FHIT: variants seen among roughly 807,000 people sequenced by gnomAD.
The protein encoded by FHIT is bis(5'-adenosyl)-triphosphatase.
A neutral mutation model predicts 17.9 loss-of-function variants in FHIT; 19 were observed. The observed-to-expected ratio is 1.06, with a 90% confidence interval of 0.74 to 1.56. The LOEUF (loss-of-function observed/expected upper bound fraction) is 1.56. Among genes scored for constraint, FHIT ranks in the 40% most tolerant of loss-of-function variants. FHIT has a pLI of 0.00. For synonymous variants in FHIT, 81 were observed against 69.7 expected, an observed-to-expected ratio of 1.16 and a Z score of -0.81; for missense variants, 248 against 189.2, an observed-to-expected ratio of 1.31 and a Z score of -1.82.
intron 8 of FHIT, 93 bp from the exon 9 acceptor site, chr3:59,752,414 T>A: frequency 2.3e-6 from 2 of 853,170 alleles, no homozygotes; most frequent in Non-Finnish European, 3.6e-6. Flanking sequence ...GAACAAAATT[T>A]GCAAATTAGA....
At chr3:60,184,870 A>G (rs931344905) in intron 5 of FHIT, among the ~76,000 whole-genome samples, 2 of 152,012 alleles carry the variant, frequency 1.3e-5, no homozygotes, top group Non-Finnish European at 2.9e-5. Context: ...TTATAATTCA[A>G]TAGTGTTTAT....
intron 5 of FHIT, among the ~76,000 whole-genome samples, chr3:60,069,591 T>A (rs550847611): frequency 1.3e-5 from 2 of 152,326 alleles, no homozygotes; most frequent in South Asian, 4.1e-4. Flanking sequence ...GATTTTCAGT[T>A]AACCATCATT....
chr3:61,097,028 G>A (rs2035660970), intron 2 of FHIT, among the ~76,000 whole-genome samples: 5 of 143,964 alleles, frequency 3.5e-5, no homozygotes, highest in African/African-American at 1.3e-4. Flanking sequence ...GCTGTGAACT[G>A]AGATTGCACC....
intron 5 of FHIT, among the ~76,000 whole-genome samples, chr3:60,156,585 TA>T (rs983759558): frequency 6.7e-6 from 1 of 148,502 alleles, no homozygotes; most frequent in South Asian, 2.1e-4. Context: ...CTTGTCTCTA[TA>T]AAAATTTTTT....
At chr3:60,796,426 G>GT (rs552357422) in intron 4 of FHIT, among the ~76,000 whole-genome samples, 84 of 151,936 alleles carry the variant, frequency 5.5e-4, no homozygotes, top group African/African-American at 1.9e-3. Flanking sequence ...AAATATTCAG[G>GT]TGTTAAAGGC....
intron 4 of FHIT, among the ~76,000 whole-genome samples, chr3:60,613,828 G>T (rs1236195109): frequency 6.6e-6 from 1 of 152,068 alleles, no homozygotes; most frequent in Non-Finnish European, 1.5e-5. Context: ...TGTCTTGGAG[G>T]GACAAAGTGG....
At chr3:59,955,745 C>T (rs1021585887) in intron 7 of FHIT, among the ~76,000 whole-genome samples, 1 of 152,192 alleles carries the variant, frequency 6.6e-6, no homozygotes, top group African/African-American at 2.4e-5. Context: ...TCCTCTCCCC[C>T]TCTCCCAACA....
chr3:60,066,793 A>G (rs1011806907), intron 5 of FHIT, among the ~76,000 whole-genome samples: 17 of 151,830 alleles, frequency 1.1e-4, no homozygotes, highest in Non-Finnish European at 2.1e-4. Flanking sequence ...AGTAGCTGGA[A>G]CAACAGGCAC....
chr3:60,694,539 T>C (rs184420307), intron 4 of FHIT, among the ~76,000 whole-genome samples: 1 of 152,284 alleles, frequency 6.6e-6, no homozygotes, highest in Non-Finnish European at 1.5e-5. Context: ...AGAAATACCA[T>C]TTAACCCAGC....
At chr3:60,220,806 G>C (rs1282263038) in intron 5 of FHIT, among the ~76,000 whole-genome samples, 6 of 152,136 alleles carry the variant, frequency 3.9e-5, no homozygotes, top group African/African-American at 7.2e-5. Context: ...TATACATTTA[G>C]AGCCGACATT....
At chr3:59,914,524 C>T (rs986073063) in intron 8 of FHIT, among the ~76,000 whole-genome samples, 2 of 152,092 alleles carry the variant, frequency 1.3e-5, no homozygotes, top group East Asian at 1.9e-4. Flanking sequence ...GTTTGAATTA[C>T]GTGTATCATT....
intron 5 of FHIT, among the ~76,000 whole-genome samples, chr3:60,313,002 TG>T (rs1433680051): frequency 2.0e-5 from 3 of 152,192 alleles, no homozygotes; most frequent in Non-Finnish European, 4.4e-5. Flanking sequence ...CAGGTTGATA[TG>T]ATTTCCCCCA....
At chr3:60,942,109 G>A (rs533704819) in intron 3 of FHIT, among the ~76,000 whole-genome samples, 6 of 152,160 alleles carry the variant, frequency 3.9e-5, no homozygotes, top group African/African-American at 7.2e-5. Context: ...TCAGCCTCCC[G>A]AGTAGCTGGA....
At chr3:60,522,330 C>T (rs769355790) in intron 5 of FHIT, among the ~76,000 whole-genome samples, 4 of 152,038 alleles carry the variant, frequency 2.6e-5, no homozygotes, top group South Asian at 2.1e-4. Context: ...AGGCTGGTTT[C>T]GAACTCCTGA....
intron 5 of FHIT, among the ~76,000 whole-genome samples, chr3:60,299,136 T>C (rs1346825495): frequency 1.3e-5 from 2 of 152,102 alleles, no homozygotes; most frequent in Non-Finnish European, 2.9e-5. Context: ...GAGTCAGCCG[T>C]GACGATCCTC....
chr3:59,916,273 C>A (rs1355893432), intron 8 of FHIT, among the ~76,000 whole-genome samples: 1 of 152,134 alleles, frequency 6.6e-6, no homozygotes. Flanking sequence ...AGTTTTTCAG[C>A]TTATGGTCTC....
At chr3:60,773,397 G>A (rs539157286) in intron 4 of FHIT, among the ~76,000 whole-genome samples, 23 of 152,272 alleles carry the variant, frequency 1.5e-4, no homozygotes, top group African/African-American at 4.8e-4. Context: ...TCTGATACCC[G>A]TCAATGCAAT....
At chr3:61,213,240 T>A (rs542957713) in intron 1 of FHIT, among the ~76,000 whole-genome samples, 9 of 152,216 alleles carry the variant, frequency 5.9e-5, no homozygotes, top group Non-Finnish European at 1.2e-4. Context: ...GACCCATCAG[T>A]GTGCTGTATT....
intron 3 of FHIT, among the ~76,000 whole-genome samples, chr3:60,925,986 A>G (rs185351386): frequency 8.5e-4 from 130 of 152,370 alleles, no homozygotes; most frequent in Admixed American, 8.4e-3. Flanking sequence ...TAAAGGGATC[A>G]ATTCAACAAG....
Sources: allele counts gnomAD v4.1 joint callset (sites outside exome capture counted in the v4.1 genomes callset), GRCh38; gene constraint gnomAD v4.1.1; transcripts MANE v1.5; gene names NCBI Gene and HGNC (gene_info 2026-07-23, HGNC 2026-07-21).